Variants in ST18 observed in about 807,000 individuals in gnomAD.
ST18 encodes ST18 C2H2C-type zinc finger transcription factor.
In ST18, 50 loss-of-function variants were observed where a neutral mutation model predicts 110.0. The observed-to-expected ratio is 0.45, with a 90% CI of 0.36 to 0.58. ST18 has a LOEUF of 0.58. ST18 is among the 20% of genes least tolerant of loss of function. The probability of loss-of-function intolerance (pLI) is 0.00; values close to 1 mark genes in which losing one functional copy is unlikely to be tolerated. For missense variants in ST18, 1,306 were observed against 1,280.1 expected (o/e 1.02, Z -0.31); for synonymous variants, 461 against 452.4 (o/e 1.02, Z -0.24).
Position 52,212,037 on chromosome 8 carries a change from G to A in ST18, c.86+42C>T, listed in dbSNP as rs142893782. The A allele has an allele frequency of 7.6e-6, 12 of 1,577,130 alleles. No individual in the cohort carries two copies. The East Asian group carries it at 2.2e-4, about 30-fold the overall frequency. On this transcript the variant is annotated intron_variant, in intron 8 of 25. Transcript: ENST00000689386. ...AGTACAAATCATTCGAATAATCAAG[G>A]CCCATTAATGTGAAAAAAAAGTAAT...
chr8:52,231,189 T>C (rs1245447850), intron 2 of ST18, among the ~76,000 whole-genome samples: 1 of 152,186 alleles, frequency 6.6e-6, no homozygotes, highest in Non-Finnish European at 1.5e-5. Flanking sequence ...ACCCAGATAA[T>C]AGCTCTTTTA....
chr8:52,190,176 A>G (rs2074007979), intron 8 of ST18, among the ~76,000 whole-genome samples: 1 of 152,232 alleles, frequency 6.6e-6, no homozygotes, highest in South Asian at 2.1e-4. Flanking sequence ...AAAATATTGT[A>G]TGGAATTAAC....
At chr8:52,326,284 G>C (rs188898647) in intron 2 of ST18, among the ~76,000 whole-genome samples, 119 of 152,308 alleles carry the variant, frequency 7.8e-4, no homozygotes, top group Non-Finnish European at 8.2e-4. Context: ...GGGGAGGACA[G>C]AGGGAGTTCA....
chr8:52,232,670 T>A (rs1470845285), intron 2 of ST18, among the ~76,000 whole-genome samples: 1 of 152,146 alleles, frequency 6.6e-6, no homozygotes, highest in African/African-American at 2.4e-5. Flanking sequence ...TTTGCATTGC[T>A]GCTTATGTAA....
At chr8:52,376,200 G>C (rs1003440307) in intron 2 of ST18, among the ~76,000 whole-genome samples, 1 of 152,136 alleles carries the variant, frequency 6.6e-6, no homozygotes, top group African/African-American at 2.4e-5. Context: ...ACACTACTCA[G>C]AGTACAAGCC....
intron 3 of ST18, among the ~76,000 whole-genome samples, chr8:52,222,554 T>C (rs548135732): frequency 1.3e-5 from 2 of 152,274 alleles, no homozygotes; most frequent in South Asian, 4.2e-4. Context: ...AGAAATATGA[T>C]TTGACACAAT....
At chr8:52,272,039 T>C (rs1267815932) in intron 2 of ST18, among the ~76,000 whole-genome samples, 1 of 152,160 alleles carries the variant, frequency 6.6e-6, no homozygotes, top group Non-Finnish European at 1.5e-5. Context: ...TCTTACTCCA[T>C]ACAGAAAAAT....
chr8:52,123,431 G>A (rs2045781512), intron 23 of ST18, among the ~76,000 whole-genome samples: 1 of 152,132 alleles, frequency 6.6e-6, no homozygotes. Context: ...CACACTTTAA[G>A]GTAAGGGATC....
chr8:52,239,348 G>A (rs2093129584), intron 2 of ST18, among the ~76,000 whole-genome samples: 1 of 152,154 alleles, frequency 6.6e-6, no homozygotes, highest in Non-Finnish European at 1.5e-5. Context: ...AAATTGTATG[G>A]TATGTGAATT....
chr8:52,116,236 G>C, intron 25 of ST18, 39 bp downstream of exon 25: 1 of 1,599,080 alleles, frequency 6.3e-7, no homozygotes, highest in Non-Finnish European at 8.5e-7. Context: ...CACTGCAAAT[G>C]CTTGTAATGG....
In ST18 at chr8:52,126,694, A is replaced by C. The variant is rs149445158; in HGVS notation, c.2667-554T>G. ...GGAATGTTTTTAATTTTTTTCTTTA[A>C]CTTTTACAACATTTTTCATTAAAAA... On this transcript the variant is annotated intron_variant, in intron 22 of 25. Transcript: ENST00000689386. 2.8e-3 allele frequency among the ~76,000 whole-genome samples: 422 copies of C among 152,320 alleles called. 1 individual carries two copies. The highest frequency in any genetic ancestry group is 4.6e-3 in the Non-Finnish European group (313 of 68,028).
intron 2 of ST18, among the ~76,000 whole-genome samples, chr8:52,299,526 A>G (rs1353472611): frequency 6.6e-6 from 1 of 152,206 alleles, no homozygotes; most frequent in African/African-American, 2.4e-5. Context: ...TAAATTGGAT[A>G]ATTACCCTCT....
intron 2 of ST18, among the ~76,000 whole-genome samples, chr8:52,312,567 A>G (rs1800026692): frequency 6.6e-6 from 1 of 152,236 alleles, no homozygotes; most frequent in African/African-American, 2.4e-5. Flanking sequence ...TGGATCCTAG[A>G]AGAATGGTCA....
chr8:52,320,027 A>C (rs1316599236), intron 2 of ST18, among the ~76,000 whole-genome samples: 1 of 152,212 alleles, frequency 6.6e-6, no homozygotes, highest in Non-Finnish European at 1.5e-5. Flanking sequence ...CCCAGATTCA[A>C]GAGGAGGAGA....
At chr8:52,282,897 C>T (rs563437746) in intron 2 of ST18, among the ~76,000 whole-genome samples, 3 of 151,954 alleles carry the variant, frequency 2.0e-5, no homozygotes, top group Non-Finnish European at 4.4e-5. Context: ...CCCAAGAGAA[C>T]GGAAGGGTTT....
intron 2 of ST18, among the ~76,000 whole-genome samples, chr8:52,340,273 C>T (rs1814270142): frequency 6.6e-6 from 1 of 152,262 alleles, no homozygotes; most frequent in Non-Finnish European, 1.5e-5. Context: ...AAGCACAGAA[C>T]TATTCCCATC....
At chr8:52,251,534 G>A (rs1449153144) in intron 2 of ST18, among the ~76,000 whole-genome samples, 7 of 151,950 alleles carry the variant, frequency 4.6e-5, no homozygotes, top group African/African-American at 1.4e-4. Flanking sequence ...AAGTGATTGG[G>A]AATGATTGGT....
At chr8:52,261,057 T>C (rs989282372) in intron 2 of ST18, among the ~76,000 whole-genome samples, 2 of 152,180 alleles carry the variant, frequency 1.3e-5, no homozygotes, top group Admixed American at 6.5e-5. Context: ...CCAACAAGCC[T>C]GTTGGCCAAC....
intron 22 of ST18, among the ~76,000 whole-genome samples, chr8:52,131,638 C>A (rs1375737403): frequency 6.6e-6 from 1 of 152,098 alleles, no homozygotes; most frequent in Non-Finnish European, 1.5e-5. Context: ...ATAGATATCA[C>A]CACTTGGAAC....
Sources: gnomAD v4.1 joint callset for allele counts (sites outside exome capture counted in the v4.1 genomes callset) on GRCh38, gnomAD v4.1.1 for gene constraint, MANE v1.5 for transcripts, NCBI Gene and HGNC (gene_info 2026-07-23, HGNC 2026-07-21) for gene names.